Variants in MFN1 observed in about 807,000 individuals in gnomAD.
MFN1 encodes mitofusin-1.
A neutral mutation model predicts 92.4 loss-of-function variants in MFN1; 65 were observed. That is an observed-to-expected ratio of 0.70 (90% CI 0.58 to 0.86). The LOEUF (loss-of-function observed/expected upper bound fraction) is 0.86. Ranked by LOEUF, MFN1 falls within the 40% of genes least tolerant of loss-of-function variation. The pLI is 0.00. For synonymous variants in MFN1, 297 were observed against 300.9 expected (o/e 0.99, Z 0.13); for missense variants, 781 against 868.0 (o/e 0.90, Z 1.26).
chr3:179,362,332 A>AT, intron 4 of MFN1, 26 bp from the exon 5 acceptor site: 2 of 1,552,402 alleles, frequency 1.3e-6, no homozygotes, highest in East Asian at 2.3e-5. Context: ...AGTGGAGTTT[A>AT]TTTTTTTCTT....
chr3:179,379,949 C>A (rs184418256), intron 14 of MFN1, among the ~76,000 whole-genome samples: 1 of 152,194 alleles, frequency 6.6e-6, no homozygotes, highest in Admixed American at 6.5e-5. Flanking sequence ...AAGTTAAAAA[C>A]GAAGATCTTG....
chr3:179,357,101 G>A (rs949702732), intron 3 of MFN1, among the ~76,000 whole-genome samples: 2 of 152,108 alleles, frequency 1.3e-5, no homozygotes, highest in Admixed American at 6.6e-5. Flanking sequence ...TCCTCTGTGG[G>A]GGGTCTTCAA....
Position 179,386,634 on chromosome 3 carries a change from G to A in MFN1, c.2012+5G>A. ...CTGCAGTCACCAAGTAAAACAGTAA[G>A]TTGGAAGGTGCATCTTTCCTTTAAA... On this transcript the variant is annotated splice_donor_5th_base_variant and intron_variant, in intron 16 of 17. Coordinates refer to ENST00000471841, the MANE Select transcript of MFN1 (RefSeq NM_033540.3). The A allele has an allele frequency of 6.3e-7, 1 of 1,595,034 alleles. No homozygotes were observed. The highest frequency in any genetic ancestry group is 8.5e-7 in the Non-Finnish European group (1 of 1,172,188).
In MFN1 at chr3:179,389,996, A is replaced by T. The variant is rs568444935; in HGVS notation, c.2013-8A>T. 6.9e-4 allele frequency: 1,101 copies of T among 1,593,256 alleles called. 12 individuals are homozygous for T. In the South Asian group the frequency reaches 0.012, roughly 17 times the overall value. On this transcript the variant is annotated splice_polypyrimidine_tract_variant and splice_region_variant and intron_variant, in intron 16 of 17. Transcript: ENST00000471841. Reference sequence around the variant, plus strand: ...CATTTATGACTGCTTCTAAATTTTTATTTTAAGACAAATAGCTACCACTTT... The same window carrying T: ...CATTTATGACTGCTTCTAAATTTTTTTTTTAAGACAAATAGCTACCACTTT...
chr3:179,377,494 A>T lies in MFN1; in HGVS notation c.1329+46A>T, dbSNP rs190909724. The T allele has an allele frequency of 3.1e-5, 35 of 1,144,300 alleles. No individual in the cohort carries two copies. In the East Asian group the frequency reaches 8.4e-4, roughly 28 times the overall value. The allele number at this position is 1,144,300 out of a possible 1,614,324, so 70.9% of individuals were successfully genotyped here. A position where few individuals can be genotyped will look rare whatever the true frequency, so the allele number is the denominator to read the frequency against. On this transcript the variant is annotated intron_variant, in intron 12 of 17. Transcript: ENST00000471841. ...AATTATTCAGAGACAGTTTCTTATT[A>T]TTCTATACCCTCATTTATTTCATGG... is the stretch of plus-strand genomic sequence containing the variant.
rs1713996998 is a variant in MFN1, at chr3:179,393,827, T to G, written c.*1768T>G. 6.6e-6 allele frequency: 1 copy of G among 152,160 alleles called. No homozygotes were observed. The highest frequency in any genetic ancestry group is 1.5e-5 in the Non-Finnish European group (1 of 68,034). The allele number at this position is 152,160 out of a possible 1,614,324, so 9.4% of individuals were successfully genotyped here. A position where few individuals can be genotyped will look rare whatever the true frequency, so the allele number is the denominator to read the frequency against. ...TCACCTCATTAGTATAGTACAGTGG[T>G]TCTCAAAGTTTGGTCCTGGGTCATC... is the stretch of plus-strand genomic sequence containing the variant. On this transcript the variant is annotated 3_prime_UTR_variant, in exon 18 of 18. Coordinates refer to ENST00000471841, the MANE Select transcript of MFN1 (RefSeq NM_033540.3).
At chr3:179,357,828 T>C (rs1213021843) in intron 3 of MFN1, among the ~76,000 whole-genome samples, 3 of 152,210 alleles carry the variant, frequency 2.0e-5, no homozygotes, top group Non-Finnish European at 4.4e-5. Flanking sequence ...GGATGTCTTG[T>C]CTTTGCTCCA....
At chr3:179,364,967 T>C in intron 6 of MFN1, 151 bp from the exon 7 acceptor site, 1 of 431,274 alleles carries the variant, frequency 2.3e-6, no homozygotes, top group Non-Finnish European at 4.2e-6. Context: ...TTTTTCATCT[T>C]TGAAAGTTTA....
intron 9 of MFN1, among the ~76,000 whole-genome samples, chr3:179,370,016 C>T (rs778029690): frequency 6.6e-6 from 1 of 151,984 alleles, no homozygotes; most frequent in East Asian, 1.9e-4. Context: ...TCCAAACAAT[C>T]AGCTGGGCAA....
At chr3:179,374,798 T>C (rs1027040131) in intron 9 of MFN1, among the ~76,000 whole-genome samples, 6 of 152,240 alleles carry the variant, frequency 3.9e-5, no homozygotes, top group Non-Finnish European at 8.8e-5. Flanking sequence ...GGAATTGTTC[T>C]AATTCACATC....
chr3:179,367,482 A>G lies in MFN1; in HGVS notation c.797A>G (p.Glu266Gly). 1 of 1,613,512 alleles carries G rather than the reference A, an allele frequency of 6.2e-7. No individual in the cohort carries two copies. The highest frequency in any genetic ancestry group is 1.1e-5 in the South Asian group (1 of 91,040). The change falls in exon 8 of 18, where the codon GAG becomes GGG. Residue 266 changes from glutamate (E) to glycine (G), a missense_variant. Glu to Gly is a moderately conservative substitution (Grantham distance 98). Transcript: ENST00000471841. The stretch of plus-strand genomic sequence containing the variant: ...GAAAGATGCCTGCATTTCTTGGTGG[A>G]GGAGCTCAAAGTTGTAAATGCTTTA... ...HMERCLHFLV[E>G]ELKVVNALEA...
intron 2 of MFN1, among the ~76,000 whole-genome samples, chr3:179,351,671 A>G (rs953501425): frequency 6.6e-6 from 1 of 152,204 alleles, no homozygotes; most frequent in East Asian, 1.9e-4. Flanking sequence ...TTTGAGACCT[A>G]GAAGTCCACT....
At chr3:179,370,867 C>T (rs1163795616) in intron 9 of MFN1, among the ~76,000 whole-genome samples, 1 of 152,080 alleles carries the variant, frequency 6.6e-6, no homozygotes. Flanking sequence ...TCTAATTATC[C>T]TTTTGGCATT....
intron 15 of MFN1, among the ~76,000 whole-genome samples, 163 bp downstream of exon 15, chr3:179,385,884 C>A (rs556171461): frequency 2.8e-4 from 42 of 152,270 alleles, no homozygotes; most frequent in African/African-American, 8.7e-4. Context: ...TCACAAGTTT[C>A]ATCTTAAATT....
intron 12 of MFN1, 54 bp downstream of exon 12, chr3:179,377,502 C>A (rs957156570): frequency 2.9e-5 from 31 of 1,083,546 alleles, no homozygotes; most frequent in Middle Eastern, 2.2e-4. Flanking sequence ...TTATTCTATA[C>A]CCTCATTTAT....
At chr3:179,367,895 C>A in intron 8 of MFN1, 141 bp from the exon 9 acceptor site, 1 of 441,422 alleles carries the variant, frequency 2.3e-6, no homozygotes, top group Non-Finnish European at 3.4e-6. Context: ...TGCACTCCAG[C>A]TCTGGGCAAC....
rs144536384 is a variant in MFN1, at chr3:179,378,471, C to A, written c.1432+28C>A. The A allele has an allele frequency of 8.8e-4, 1,369 of 1,561,674 alleles. 11 individuals carry two copies. In the African/African-American group the frequency reaches 0.017, roughly 19 times the overall value. ...AATATTTATGTCTACAAGGTCATGT[C>A]TGGTTTGTTTTTTCATTCATGACTG... On this transcript the variant is annotated intron_variant, in intron 13 of 17. Transcript: ENST00000471841.
At chr3:179,364,236 T>A in intron 5 of MFN1, 61 bp from the exon 6 acceptor site, 2 of 1,190,998 alleles carry the variant, frequency 1.7e-6, no homozygotes, top group Non-Finnish European at 1.1e-6. Context: ...GCTGAAAAAA[T>A]TCTGTAACCC....
At chr3:179,367,699 C>G (rs948240036) in intron 8 of MFN1, 107 bp downstream of exon 8, 2 of 965,868 alleles carry the variant, frequency 2.1e-6, no homozygotes, top group Middle Eastern at 3.6e-4. Flanking sequence ...CTGAGGCGGG[C>G]GGATCATGAG....
Sources: gnomAD v4.1 joint callset for allele counts (sites outside exome capture counted in the v4.1 genomes callset) on GRCh38, gnomAD v4.1.1 for gene constraint, MANE v1.5 for transcripts, NCBI Gene and HGNC (gene_info 2026-07-23, HGNC 2026-07-21) for gene names.